Variants in FAAH2 observed in about 807,000 individuals in gnomAD.
The protein encoded by FAAH2 is fatty acid amide hydrolase 2.
FAAH2 carries 60 observed loss-of-function variants against 36.9 expected under a neutral mutation model. The observed-to-expected ratio is 1.63, with a 90% confidence interval of 1.32 to 2.02. The LOEUF (loss-of-function observed/expected upper bound fraction) is 2.02, where lower values mean the gene tolerates loss of function less well. Ranked by LOEUF, FAAH2 falls within the 30% of genes most tolerant of loss-of-function variation. The probability of loss-of-function intolerance (pLI) is 0.00; values close to 1 mark genes in which losing one functional copy is unlikely to be tolerated. For missense variants in FAAH2, 689 were observed against 397.5 expected (o/e 1.73, Z -6.23); for synonymous variants, 214 against 143.8 (o/e 1.49, Z -3.49).
chrX:57,221,898 G>A, the FAAH2 span, among the ~76,000 whole-genome samples: 3 of 110,268 alleles, frequency 2.7e-5, no homozygotes, highest in African/African-American at 9.9e-5. Flanking sequence ...CATGACCTCT[G>A]TAGCTTATCC....
chrX:57,374,975 TTTG>T (rs2054635301), intron 5 of FAAH2, among the ~76,000 whole-genome samples: 1 of 111,680 alleles, frequency 9.0e-6, no homozygotes, highest in Non-Finnish European at 1.9e-5. Context: ...TCATGCGATT[TTTG>T]TTTTTAATTC....
intron 7 of FAAH2, among the ~76,000 whole-genome samples, chrX:57,415,608 A>G (rs2055821240): frequency 9.0e-6 from 1 of 111,072 alleles, no homozygotes; most frequent in African/African-American, 3.3e-5. Flanking sequence ...TTTGATTTTC[A>G]TTCTTTTTCG....
chrX:57,424,448 A>G (rs187141145), intron 7 of FAAH2, among the ~76,000 whole-genome samples: 50 of 112,022 alleles, frequency 4.5e-4, no homozygotes, highest in African/African-American at 1.5e-3. Flanking sequence ...AAGCAACCCA[A>G]TATAAAATCA....
rs762234659 is a variant in FAAH2, at chrX:57,427,225, C to A, written c.997-4693C>A. The stretch of plus-strand genomic sequence containing the variant: ...ATCATGAGCAGATCAGAAATGAGTA[C>A]TGAGATTGAGTAATAATAATATTAA... On this transcript the variant is annotated intron_variant, in intron 7 of 10. Coordinates refer to ENST00000374900, the MANE Select transcript of FAAH2 (RefSeq NM_174912.4). Among the ~76,000 whole-genome samples the A allele has an allele frequency of 4.5e-5, 5 of 110,353 alleles. No homozygotes were observed. In the South Asian group the frequency reaches 1.9e-3, roughly 42 times the overall value.
intron 10 of FAAH2, among the ~76,000 whole-genome samples, chrX:57,462,025 A>G (rs1422264995): frequency 9.1e-6 from 1 of 110,244 alleles, no homozygotes; most frequent in Non-Finnish European, 1.9e-5. Flanking sequence ...AAACACCTCT[A>G]TGCAAATAAA....
the FAAH2 span, among the ~76,000 whole-genome samples, chrX:57,192,816 T>C: frequency 1.2e-3 from 136 of 112,100 alleles, no homozygotes; most frequent in African/African-American, 3.8e-3. Flanking sequence ...ATTGTGAAGA[T>C]TTCATGGACG....
the FAAH2 span, among the ~76,000 whole-genome samples, chrX:57,159,412 T>C: frequency 1.8e-5 from 2 of 111,672 alleles, no homozygotes; most frequent in Non-Finnish European, 3.8e-5. Context: ...TGGCATTGAA[T>C]CTATAAATTA....
At chrX:57,248,407 T>C in the FAAH2 span, among the ~76,000 whole-genome samples, 2 of 111,716 alleles carry the variant, frequency 1.8e-5, no homozygotes, top group African/African-American at 6.5e-5. Context: ...ATCCATCTGA[T>C]AAAAGAATAG....
the FAAH2 span, among the ~76,000 whole-genome samples, chrX:57,161,724 C>T: frequency 1.8e-5 from 2 of 111,418 alleles, no homozygotes; most frequent in African/African-American, 6.5e-5. Context: ...TAGATCTTCC[C>T]CCATCCCTTT....
At chrX:57,359,803 A>G (rs1399289857) in intron 5 of FAAH2, among the ~76,000 whole-genome samples, 1 of 111,592 alleles carries the variant, frequency 9.0e-6, no homozygotes, top group East Asian at 2.8e-4. Flanking sequence ...TTATGTTGCT[A>G]ACAAGTGTCT....
the FAAH2 span, among the ~76,000 whole-genome samples, chrX:57,158,841 T>G: frequency 2.1e-4 from 23 of 112,039 alleles, no homozygotes; most frequent in East Asian, 2.0e-3. Flanking sequence ...AGAAGCTCTT[T>G]AGTTTAATTA....
the FAAH2 span, among the ~76,000 whole-genome samples, chrX:57,184,596 T>A: frequency 8.9e-6 from 1 of 112,745 alleles, no homozygotes; most frequent in Non-Finnish European, 1.9e-5. Context: ...TTTGACAACC[T>A]AAATGAAGTG....
the FAAH2 span, among the ~76,000 whole-genome samples, chrX:57,236,696 A>T: frequency 9.0e-6 from 1 of 110,630 alleles, no homozygotes; most frequent in Non-Finnish European, 1.9e-5. Context: ...TAATCAGATT[A>T]TTTGGGGGGG....
At position 57,320,551 on chromosome X, in the gene FAAH2, ATG is replaced by A. The variant is rs2052990776; in HGVS notation, c.412+9823_412+9824del. On this transcript the variant is annotated intron_variant, in intron 3 of 10. Transcript: ENST00000374900. ...CTGGAGAGGATGTGGAGAAATAAAAATGCTTTTACATTGTTGGTGGGAGTGTA... is the reference window on the plus strand; with the variant it reads ...CTGGAGAGGATGTGGAGAAATAAAAACTTTTACATTGTTGGTGGGAGTGTA... 2.7e-5 allele frequency among the ~76,000 whole-genome samples: 3 copies of A among 112,454 alleles called. No individual in the cohort carries two copies. In the East Asian group the frequency reaches 8.3e-4, roughly 31 times the overall value.
At chrX:57,300,245 G>T (rs2052306884) in intron 2 of FAAH2, among the ~76,000 whole-genome samples, 1 of 111,385 alleles carries the variant, frequency 9.0e-6, no homozygotes, top group Non-Finnish European at 1.9e-5. Flanking sequence ...TATGGTACTG[G>T]TACCAAAACA....
intron 10 of FAAH2, among the ~76,000 whole-genome samples, chrX:57,480,670 T>C (rs1471054564): frequency 1.8e-5 from 2 of 111,325 alleles, no homozygotes; most frequent in Non-Finnish European, 3.8e-5. Context: ...GCTGTTAACA[T>C]TTTTTCCTTC....
At chrX:57,246,024 T>TA in the FAAH2 span, among the ~76,000 whole-genome samples, 2 of 110,427 alleles carry the variant, frequency 1.8e-5, no homozygotes, top group Admixed American at 9.6e-5. Context: ...ATAGGTGCAA[T>TA]AAAAAATGCT....
intron 10 of FAAH2, among the ~76,000 whole-genome samples, chrX:57,467,584 G>A (rs1285766702): frequency 8.9e-6 from 1 of 111,762 alleles, no homozygotes; most frequent in Non-Finnish European, 1.9e-5. Flanking sequence ...GGCTTGAGTA[G>A]GTAAACAAAG....
At chrX:57,141,119 C>T in the FAAH2 span, among the ~76,000 whole-genome samples, 1 of 111,632 alleles carries the variant, frequency 9.0e-6, no homozygotes, top group Non-Finnish European at 1.9e-5. Flanking sequence ...CCTTCTATAT[C>T]CATTTTGTTG....
Sources: allele counts gnomAD v4.1 joint callset (sites outside exome capture counted in the v4.1 genomes callset), GRCh38; gene constraint gnomAD v4.1.1; transcripts MANE v1.5; gene names NCBI Gene and HGNC (gene_info 2026-07-23, HGNC 2026-07-21).